RHOA: variants seen among roughly 807,000 people sequenced by gnomAD.
RHOA encodes the protein transforming protein RhoA.
In RHOA, 3 loss-of-function variants were observed where a neutral mutation model predicts 17.5. The observed-to-expected ratio is 0.17, with a 90% CI of 0.08 to 0.44. The LOEUF is 0.44. Ranked by LOEUF, RHOA falls within the 20% of genes least tolerant of loss-of-function variation. RHOA has a pLI of 0.99. For synonymous variants in RHOA, 98 were observed against 88.4 expected (o/e 1.11, Z -0.61); for missense variants, 56 against 242.3 (o/e 0.23, Z 5.10).
At chr3:49,378,433 G>A (rs36117221) in intron 1 of RHOA, among the ~76,000 whole-genome samples, 2 of 151,738 alleles carry the variant, frequency 1.3e-5, no homozygotes, top group South Asian at 2.1e-4. Flanking sequence ...TTTTGGCAGA[G>A]ACAGGGTTTT....
At chr3:49,400,731 G>A (rs1314475626) in intron 1 of RHOA, among the ~76,000 whole-genome samples, 2 of 151,006 alleles carry the variant, frequency 1.3e-5, no homozygotes, top group Admixed American at 1.3e-4. Flanking sequence ...AAAAGGTGAG[G>A]TGGGGGGATG....
intron 1 of RHOA, among the ~76,000 whole-genome samples, chr3:49,411,087 A>C (rs2048925772): frequency 6.6e-6 from 1 of 152,228 alleles, no homozygotes; most frequent in South Asian, 2.1e-4. Flanking sequence ...ACTTCGACTA[A>C]GCAACATTGC....
intron 1 of RHOA, among the ~76,000 whole-genome samples, chr3:49,389,470 G>T (rs1197260866): frequency 6.6e-6 from 1 of 152,012 alleles, no homozygotes; most frequent in Non-Finnish European, 1.5e-5. Flanking sequence ...GCCCATCTTG[G>T]AAGGACTTAA....
At chr3:49,408,219 C>T (rs924306565) in intron 1 of RHOA, among the ~76,000 whole-genome samples, 4 of 150,984 alleles carry the variant, frequency 2.6e-5, no homozygotes, top group Admixed American at 6.6e-5. Context: ...CGTATATGTA[C>T]ACATATATAT....
At chr3:49,388,078 C>G (rs2048431599) in intron 1 of RHOA, among the ~76,000 whole-genome samples, 1 of 151,742 alleles carries the variant, frequency 6.6e-6, no homozygotes, top group Non-Finnish European at 1.5e-5. Context: ...GTCATCAAGG[C>G]TCACTGCAGC....
chr3:49,369,857 C>T (rs1045392063), intron 2 of RHOA, among the ~76,000 whole-genome samples: 2 of 152,132 alleles, frequency 1.3e-5, no homozygotes, highest in African/African-American at 4.8e-5. Context: ...CACCTGAAGT[C>T]GGAAGTTCGA....
At chr3:49,384,304 G>T (rs376356329) in intron 1 of RHOA, among the ~76,000 whole-genome samples, 13 of 152,072 alleles carry the variant, frequency 8.5e-5, no homozygotes, top group African/African-American at 3.1e-4. Context: ...TTTCCACTTT[G>T]CTATAATGCA....
At chr3:49,392,186 G>A (rs1291666440) in intron 1 of RHOA, among the ~76,000 whole-genome samples, 1 of 152,124 alleles carries the variant, frequency 6.6e-6, no homozygotes, top group African/African-American at 2.4e-5. Flanking sequence ...GTCAGGCACA[G>A]TGACTCCCAC....
chr3:49,392,108 G>A (rs1303703439), intron 1 of RHOA, among the ~76,000 whole-genome samples: 5 of 151,932 alleles, frequency 3.3e-5, no homozygotes, highest in South Asian at 2.1e-4. Context: ...GATTACAGGC[G>A]TGAGCCACCA....
At chr3:49,390,061 A>G (rs895323485) in intron 1 of RHOA, among the ~76,000 whole-genome samples, 1 of 151,956 alleles carries the variant, frequency 6.6e-6, no homozygotes, top group Non-Finnish European at 1.5e-5. Flanking sequence ...CCCCTCCTTT[A>G]TTGGCGGGTC....
rs1442310744 is a variant in RHOA at position 49,390,409 on chromosome 3, G to GTT, written c.-2-14819_-2-14818insAA. 2.0e-5 allele frequency among the ~76,000 whole-genome samples: 3 copies of GTT among 152,048 alleles called. No individual in the cohort carries two copies. The East Asian group carries it at 5.8e-4, about 29-fold the overall frequency. The stretch of plus-strand genomic sequence containing the variant: ...CTCCCAAAATGCTGGGATTACAGGC[G>GTT]TGAGCCACTGCACCCAGCCTTAATT... On this transcript the variant is annotated intron_variant, in intron 1 of 4. Transcript: ENST00000418115.
At chr3:49,403,067 C>T (rs1053836229) in intron 1 of RHOA, among the ~76,000 whole-genome samples, 3 of 149,372 alleles carry the variant, frequency 2.0e-5, no homozygotes, top group African/African-American at 4.9e-5. Flanking sequence ...ACCCGCCGAG[C>T]GCGGTGGCTC....
Position 49,402,560 on chromosome 3 carries a change from G to T in RHOA, c.-3+9260C>A, listed in dbSNP as rs1290361782. 2.0e-5 allele frequency among the ~76,000 whole-genome samples: 3 copies of T among 152,040 alleles called. No individual in the cohort carries two copies. In the East Asian group the frequency reaches 5.8e-4, roughly 29 times the overall value. ...ATGGTGGTGCTTGCCTGTAGTCCCAGATGCTCATGAGGCTGAGGCAGGAGT... is the reference window on the plus strand; with the variant it reads ...ATGGTGGTGCTTGCCTGTAGTCCCATATGCTCATGAGGCTGAGGCAGGAGT... On this transcript the variant is annotated intron_variant, in intron 1 of 4. Coordinates refer to ENST00000418115, the MANE Select transcript of RHOA (RefSeq NM_001664.4).
At chr3:49,407,532 C>T (rs1258948533) in intron 1 of RHOA, among the ~76,000 whole-genome samples, 1 of 152,128 alleles carries the variant, frequency 6.6e-6, no homozygotes, top group Non-Finnish European at 1.5e-5. Flanking sequence ...CTGCTCCCAG[C>T]CAGGAATTCC....
rs118060936 is a variant in RHOA, at chr3:49,385,131, C to T, written c.-2-9540G>A. Among the ~76,000 whole-genome samples, 1,278 of 151,912 alleles carry T rather than the reference C, an allele frequency of 8.4e-3. 142 individuals are homozygous for T. In the East Asian group the frequency reaches 0.22, roughly 26 times the overall value. On this transcript the variant is annotated intron_variant, in intron 1 of 4. Transcript: ENST00000418115. ...CTGTGTTGCCCTGGCTAGTCTCAAA[C>T]TCCTAGCCTCAAGTGATTCTCCCGT... is the stretch of plus-strand genomic sequence containing the variant.
intron 3 of RHOA, among the ~76,000 whole-genome samples, chr3:49,362,951 C>T (rs1240477157): frequency 2.0e-5 from 3 of 152,176 alleles, no homozygotes; most frequent in Non-Finnish European, 4.4e-5. Context: ...CAAAGGCAGG[C>T]ACTTTACAGG....
intron 1 of RHOA, among the ~76,000 whole-genome samples, chr3:49,407,232 G>GTTTTTTTT (rs61556875): frequency 4.6e-4 from 32 of 70,062 alleles, no homozygotes; most frequent in South Asian, 9.0e-4. Context: ...AATCCTTTCC[G>GTTTTTTTT]TTTTTTTTTT....
chr3:49,372,245 C>G (rs1189167016), intron 2 of RHOA, among the ~76,000 whole-genome samples: 1 of 152,142 alleles, frequency 6.6e-6, no homozygotes, highest in Non-Finnish European at 1.5e-5. Context: ...ACAAAAACAC[C>G]TATGTCCAAG....
intron 2 of RHOA, among the ~76,000 whole-genome samples, chr3:49,374,250 G>A (rs1470344694): frequency 2.0e-5 from 3 of 152,306 alleles, no homozygotes; most frequent in East Asian, 3.9e-4. Flanking sequence ...TTGGGAGGAT[G>A]AGGCAGGAGA....
Sources: allele counts gnomAD v4.1 joint callset (sites outside exome capture counted in the v4.1 genomes callset), GRCh38; gene constraint gnomAD v4.1.1; transcripts MANE v1.5; gene names NCBI Gene and HGNC (gene_info 2026-07-23, HGNC 2026-07-21).